RBFOX1: variants seen among roughly 807,000 people sequenced by gnomAD.
RBFOX1 encodes the protein RNA binding protein fox-1 homolog 1.
In RBFOX1, 8 loss-of-function variants were observed where a neutral mutation model predicts 57.7. The ratio of observed to expected loss-of-function variants is 0.14; its 90% confidence interval spans 0.08 to 0.25. The LOEUF is 0.25. RBFOX1 is among the 10% of genes least tolerant of loss of function. The pLI is 1.00. For synonymous variants in RBFOX1, 326 were observed against 222.4 expected (o/e 1.47, Z -4.15); for missense variants, 611 against 548.5 (o/e 1.11, Z -1.14).
At chr16:7,432,333 G>A (rs1034751329) in intron 4 of RBFOX1, among the ~76,000 whole-genome samples, 1 of 152,124 alleles carries the variant, frequency 6.6e-6, no homozygotes, top group African/African-American at 2.4e-5. Context: ...CAGAGAGAAG[G>A]GTAATCTGCT....
intron 4 of RBFOX1, among the ~76,000 whole-genome samples, chr16:7,386,557 A>T (rs1446584877): frequency 6.6e-6 from 1 of 151,672 alleles, no homozygotes; most frequent in African/African-American, 2.4e-5. Flanking sequence ...ACATGATCTC[A>T]TGTTTTTTTA....
intron 2 of RBFOX1, among the ~76,000 whole-genome samples, chr16:6,426,262 T>C (rs746437596): frequency 6.7e-6 from 1 of 149,566 alleles, no homozygotes; most frequent in Non-Finnish European, 1.5e-5. Flanking sequence ...CAAAAACAGA[T>C]GGGGAGATGA....
intron 2 of RBFOX1, among the ~76,000 whole-genome samples, chr16:6,645,768 A>T (rs2098529150): frequency 1.3e-5 from 2 of 152,268 alleles, no homozygotes; most frequent in South Asian, 4.1e-4. Flanking sequence ...TTTACTGATA[A>T]CTTGCCATAT....
At chr16:6,819,635 G>A (rs568164158) in intron 3 of RBFOX1, among the ~76,000 whole-genome samples, 16 of 147,180 alleles carry the variant, frequency 1.1e-4, no homozygotes, top group Admixed American at 4.2e-4. Flanking sequence ...AACCTGGGAA[G>A]CGGAGGTTGC....
At chr16:7,147,578 T>A (rs1191688668) in intron 4 of RBFOX1, among the ~76,000 whole-genome samples, 1 of 152,202 alleles carries the variant, frequency 6.6e-6, no homozygotes, top group African/African-American at 2.4e-5. Context: ...TATTTGGTTT[T>A]CTGTTCCTGC....
chr16:5,424,814 T>TTCTCC (rs533646606), intron 1 of RBFOX1, among the ~76,000 whole-genome samples: 4,123 of 151,256 alleles, frequency 0.027, 70 homozygotes, highest in Middle Eastern at 0.048. Flanking sequence ...CTGTTTTCTC[T>TTCTCC]TCTCCTCTCC....
chr16:7,345,459 G>T (rs1257948252), intron 4 of RBFOX1, among the ~76,000 whole-genome samples: 1 of 152,218 alleles, frequency 6.6e-6, no homozygotes, highest in African/African-American at 2.4e-5. Flanking sequence ...GGATTCTAAT[G>T]AGCTGGGTTT....
chr16:7,236,303 T>C (rs571597714), intron 4 of RBFOX1, among the ~76,000 whole-genome samples: 1 of 152,342 alleles, frequency 6.6e-6, no homozygotes, highest in South Asian at 2.1e-4. Flanking sequence ...CACCATATTG[T>C]TTCAGCTCAA....
chr16:5,290,926 T>G (rs2063518671), intron 1 of RBFOX1, among the ~76,000 whole-genome samples: 2 of 152,190 alleles, frequency 1.3e-5, no homozygotes, highest in Non-Finnish European at 2.9e-5. Flanking sequence ...CTCAAACTCC[T>G]GGATCTCAGG....
chr16:7,544,355 C>A (rs190886347), intron 5 of RBFOX1, among the ~76,000 whole-genome samples: 47 of 152,150 alleles, frequency 3.1e-4, no homozygotes, highest in Non-Finnish European at 4.9e-4. Flanking sequence ...GAATTAGTGT[C>A]CCCCCAAATT....
intron 1 of RBFOX1, among the ~76,000 whole-genome samples, chr16:5,425,065 TTATCTATCTATCTATCTATCTATC>T (rs71280727): frequency 4.7e-4 from 32 of 68,640 alleles, no homozygotes; most frequent in Middle Eastern, 5.5e-3. Context: ...CCTTCCTTTC[TTATCTATCTATCTATCTATCTATC>T]TATCTATCTA....
intron 2 of RBFOX1, among the ~76,000 whole-genome samples, chr16:6,595,998 T>C (rs1371635276): frequency 6.7e-6 from 1 of 149,440 alleles, no homozygotes; most frequent in Non-Finnish European, 1.5e-5. Context: ...TTAAGTTGTA[T>C]GTAAGGGTTC....
Position 5,454,787 on chromosome 16 carries a change from T to C in RBFOX1, c.220-12429T>C, listed in dbSNP as rs865788530. Reference sequence around the variant, plus strand: ...TCTTTCTCTTTCTTTCTTTCTTTCTTTCTCTTTCTTTCTTTCTTTCCCTTT... The same window carrying C: ...TCTTTCTCTTTCTTTCTTTCTTTCTCTCTCTTTCTTTCTTTCTTTCCCTTT... On this transcript the variant is annotated intron_variant, in intron 1 of 2. Transcript: ENST00000585867. Among the ~76,000 whole-genome samples, 12 of 151,038 alleles carry C rather than the reference T, an allele frequency of 7.9e-5. 1 individual carries two copies. The highest frequency in any genetic ancestry group is 2.4e-4 in the African/African-American group (10 of 41,166).
rs2080073783 is a variant in RBFOX1, at chr16:6,779,774, TTTATATATATTTTTATATATAC to T, written c.-16+125127_-16+125148del. Among the ~76,000 whole-genome samples the T allele has an allele frequency of 6.0e-4, 4 of 6,634 alleles. 2 individuals carry two copies. The highest frequency in any genetic ancestry group is 3.7e-3 in the African/African-American group (4 of 1,076). 4.4% of individuals were successfully genotyped at this position (6,634 alleles called of 152,430 possible). ...ATACTTTTATATATTTATATATATA[TTTATATATATTTTTATATATAC>T]TTTTATATATTTATATATATATTTA... On this transcript the variant is annotated intron_variant, in intron 3 of 15. Transcript: ENST00000550418.
intron 2 of RBFOX1, among the ~76,000 whole-genome samples, chr16:6,636,791 ATATATGT>A (rs1455106682): frequency 1.4e-3 from 10 of 7,032 alleles, no homozygotes; most frequent in Non-Finnish European, 4.5e-3. Flanking sequence ...ATAATATATA[ATATATGT>A]TATATATAAT....
At chr16:6,745,361 C>G (rs12918308) in intron 3 of RBFOX1, among the ~76,000 whole-genome samples, 25,165 of 146,960 alleles carry the variant, frequency 0.17, 2,098 homozygotes, top group Middle Eastern at 0.2. Flanking sequence ...CCCCCGAAAC[C>G]ACAGACTAGT....
At chr16:6,100,753 A>G (rs2096296399) in intron 1 of RBFOX1, among the ~76,000 whole-genome samples, 1 of 152,178 alleles carries the variant, frequency 6.6e-6, no homozygotes. Flanking sequence ...ATCTTAATTA[A>G]CTTGCCCAGG....
At chr16:6,833,614 A>G (rs1256745708) in intron 3 of RBFOX1, among the ~76,000 whole-genome samples, 2 of 152,328 alleles carry the variant, frequency 1.3e-5, no homozygotes, top group African/African-American at 2.4e-5. Flanking sequence ...TGTTAAAGTT[A>G]CATGTCACAG....
intron 4 of RBFOX1, among the ~76,000 whole-genome samples, chr16:7,340,327 G>T (rs1222902211): frequency 6.6e-6 from 1 of 152,210 alleles, no homozygotes; most frequent in South Asian, 2.1e-4. Flanking sequence ...GTGGGTTTCA[G>T]ATCTTAATTA....
Sources: gnomAD v4.1 joint callset for allele counts (sites outside exome capture counted in the v4.1 genomes callset) on GRCh38, gnomAD v4.1.1 for gene constraint, MANE v1.5 for transcripts, NCBI Gene and HGNC (gene_info 2026-07-23, HGNC 2026-07-21) for gene names.